Variants in FAM110A observed in about 807,000 individuals in gnomAD.
FAM110A encodes the protein family with sequence similarity 110 member A.
FAM110A carries 1 observed loss-of-function variant against 4.0 expected under a neutral mutation model. The ratio of observed to expected loss-of-function variants is 0.25; its 90% confidence interval spans 0.09 to 1.20. The LOEUF is 1.20. FAM110A is among the 50% of genes most tolerant of loss of function. FAM110A has a pLI of 0.50. For synonymous variants in FAM110A, 217 were observed against 196.8 expected (o/e 1.10, Z -0.86); for missense variants, 436 against 429.2 (o/e 1.02, Z -0.14).
In FAM110A at chr20:846,032, A is replaced by T; in HGVS notation, c.*340A>T. Reference sequence around the variant, plus strand: ...GAGTGAGGGGCCAAGGGATCTCCTCAATCCTGTCTCCCCAGCGGCTCTGTT... The same window carrying T: ...GAGTGAGGGGCCAAGGGATCTCCTCTATCCTGTCTCCCCAGCGGCTCTGTT... On this transcript the variant is annotated 3_prime_UTR_variant, in exon 2 of 2. Transcript: ENST00000381941. The T allele has an allele frequency of 3.3e-6, 1 of 303,290 alleles. No individual in the cohort carries two copies. 18.8% of individuals were successfully genotyped at this position (303,290 alleles called of 1,614,324 possible). A position where few individuals can be genotyped will look rare whatever the true frequency, so the allele number is the denominator to read the frequency against.
At chr20:842,906 A>T (rs1980016164) in intron 1 of FAM110A, among the ~76,000 whole-genome samples, 1 of 151,950 alleles carries the variant, frequency 6.6e-6, no homozygotes. Context: ...AGTTCAATAA[A>T]TTTTTATTGA....
At chr20:837,102 G>C (rs185889163) in intron 1 of FAM110A, among the ~76,000 whole-genome samples, 88 of 146,126 alleles carry the variant, frequency 6.0e-4, no homozygotes, top group South Asian at 8.6e-4. Context: ...GCCCAGGCTG[G>C]AGTGCAGTGG....
rs1349274265 is a variant in FAM110A at position 845,047 on chromosome 20, T to C, written c.243T>C (p.Thr81=). Reference sequence around the variant, plus strand: ...AACAGCCGCTCTTTAGCCCTGAGACTCGCCGCACAGTGCTCACGCCCAGCC... The same window carrying C: ...AACAGCCGCTCTTTAGCCCTGAGACCCGCCGCACAGTGCTCACGCCCAGCC... ...LSKQPLFSPE[T]RRTVLTPSRR... The change falls in exon 2 of 2, where the codon ACT becomes ACC. Residue 81 remains threonine (T), a synonymous_variant. Coordinates refer to ENST00000381941, the MANE Select transcript of FAM110A (RefSeq NM_001042353.3). 1 of 1,593,296 alleles carries C rather than the reference T, an allele frequency of 6.3e-7. No homozygotes were observed. The highest frequency in any genetic ancestry group is 1.7e-5 in the Admixed American group (1 of 57,348).
At position 845,074 on chromosome 20, in the gene FAM110A, C is replaced by T; in HGVS notation, c.270C>T (p.Arg90=). 5 of 1,596,854 alleles carry T rather than the reference C, an allele frequency of 3.1e-6. No individual in the cohort carries two copies. In the Middle Eastern group the frequency reaches 5.0e-4, roughly 159 times the overall value. Reference sequence around the variant, plus strand: ...GCCGCACAGTGCTCACGCCCAGCCGCCGAGCCCTGCCTGGCCCCTGCCGAC... The same window carrying T: ...GCCGCACAGTGCTCACGCCCAGCCGTCGAGCCCTGCCTGGCCCCTGCCGAC... ...ETRRTVLTPS[R]RALPGPCRRP... Residue 90 remains arginine, a synonymous_variant, in exon 2 of 2, where the codon CGC becomes CGT. Coordinates refer to ENST00000381941, the MANE Select transcript of FAM110A (RefSeq NM_001042353.3).
chr20:840,440 A>C lies in FAM110A; in HGVS notation c.-97-4268A>C, dbSNP rs118009344. Among the ~76,000 whole-genome samples the C allele has an allele frequency of 0.01, 1,596 of 152,326 alleles. 13 individuals carry two copies. Among genetic ancestry groups the C allele is most frequent in the Non-Finnish European group, 0.017 (1,137 of 68,024 alleles). The stretch of plus-strand genomic sequence containing the variant: ...AATGTTCCTACCTGCAGTGAGTTAT[A>C]GGACTTGGGGTGGAAGAGGTGACAG... On this transcript the variant is annotated intron_variant, in intron 1 of 1. Coordinates refer to ENST00000381941, the MANE Select transcript of FAM110A (RefSeq NM_001042353.3). This position sits in a 1 kb window ranked among gnomAD's most constrained non-coding sequence, Gnocchi z 4.4.
Position 845,530 on chromosome 20 carries a change from C to T in FAM110A, c.726C>T (p.Gly242=). 1 of 1,612,440 alleles carries T rather than the reference C, an allele frequency of 6.2e-7. No homozygotes were observed. Among genetic ancestry groups the T allele is most frequent in the East Asian group, 2.2e-5 (1 of 44,852 alleles). Residue 242 remains glycine, a synonymous_variant, in exon 2 of 2, where the codon GGC becomes GGT. Transcript: ENST00000381941. ...TGGCAGGGCCCAGTGCTGGGCCGGG[C>T]AGCTCTGAAGGGGGCTGCTCCCGCC... The part of the protein sequence containing the change: ...VSLAGPSAGP[G]SSEGGCSRRS...
In FAM110A at chr20:840,334, T is replaced by C. The variant is rs946436736; in HGVS notation, c.-97-4374T>C. ...GGAACAGGAGCCTCTTCAGCCTGAG[T>C]GTGGCAGAGGGCTGGGGCTGAGGCC... On this transcript the variant is annotated intron_variant, in intron 1 of 1. Coordinates refer to ENST00000381941, the MANE Select transcript of FAM110A (RefSeq NM_001042353.3). This position sits in a 1 kb window ranked among gnomAD's most constrained non-coding sequence, Gnocchi z 4.4. Among the ~76,000 whole-genome samples the C allele has an allele frequency of 6.6e-6, 1 of 152,110 alleles. No individual in the cohort carries two copies. The highest frequency in any genetic ancestry group is 1.5e-5 in the Non-Finnish European group (1 of 68,018).
chr20:844,169 A>G (rs1431037327), intron 1 of FAM110A, among the ~76,000 whole-genome samples: 1 of 152,176 alleles, frequency 6.6e-6, no homozygotes, highest in African/African-American at 2.4e-5. Flanking sequence ...TGGGGAGTCC[A>G]GGTGGGGTGT....
In FAM110A at chr20:844,662, T is replaced by A. The variant is rs1980153243; in HGVS notation, c.-97-46T>A. 4.6e-6 allele frequency: 6 copies of A among 1,309,068 alleles called. No individual in the cohort carries two copies. In the East Asian group the frequency reaches 1.8e-4, roughly 39 times the overall value. The allele number at this position is 1,309,068 out of a possible 1,614,324, so 81.1% of individuals were successfully genotyped here. On this transcript the variant is annotated intron_variant, in intron 1 of 1. Transcript: ENST00000381941. The stretch of plus-strand genomic sequence containing the variant: ...TCAGCCGCGGCTGAGCCTCTTTGTC[T>A]GAGCGCGCTCGGCTTTTTTTTTTTT...
intron 1 of FAM110A, among the ~76,000 whole-genome samples, chr20:838,552 A>G (rs1979705951): frequency 6.6e-6 from 1 of 152,166 alleles, no homozygotes; most frequent in Non-Finnish European, 1.5e-5. Context: ...GGATGTAATG[A>G]GTGCTCGGAA....
chr20:839,989 T>C lies in FAM110A; in HGVS notation c.-97-4719T>C, dbSNP rs546689376. 54 of 1,268,666 alleles carry C rather than the reference T, an allele frequency of 4.3e-5. No individual in the cohort carries two copies. The East Asian group carries it at 1.2e-3, about 28-fold the overall frequency. 78.6% of individuals were successfully genotyped at this position (1,268,666 alleles called of 1,614,324 possible). On this transcript the variant is annotated intron_variant, in intron 1 of 1. Transcript: ENST00000381941. ...TTAGGCATCAGCATCTTGGCAGCTG[T>C]AGGGTCCGGGGCTGGGGCTGGAAAG...
rs184820305 is a variant in FAM110A, at chr20:841,383, C to A, written c.-97-3325C>A. The A allele has an allele frequency of 9.9e-3, 1,508 of 152,486 alleles. 29 individuals carry two copies. Among genetic ancestry groups the A allele is most frequent in the African/African-American group, 0.035 (1,446 of 41,552 alleles). The allele number at this position is 152,486 out of a possible 1,614,324, so 9.4% of individuals were successfully genotyped here. A position where few individuals can be genotyped will look rare whatever the true frequency, so the allele number is the denominator to read the frequency against. ...GGGCGGCCCGAGCACCCCTCCACCC[C>A]AGGACGGCGGGAACGGGGCAGGGAT... On this transcript the variant is annotated intron_variant, in intron 1 of 1. Transcript: ENST00000381941.
In FAM110A at chr20:845,325, C is replaced by G. The variant is rs925635905; in HGVS notation, c.521C>G (p.Ala174Gly). 1.3e-6 allele frequency: 2 copies of G among 1,562,536 alleles called. No individual in the cohort carries two copies. Among genetic ancestry groups the G allele is most frequent in the Admixed American group, 1.9e-5 (1 of 51,876 alleles). Residue 174 changes from alanine to glycine, a missense_variant, in exon 2 of 2, where the codon GCC (alanine) becomes GGC (glycine). Ala to Gly is a moderately conservative substitution (Grantham distance 60). Transcript: ENST00000381941. Reference protein sequence around the residue: ...ARPCPSPGPAAASSPARPPGL... With the variant: ...ARPCPSPGPAGASSPARPPGL... The stretch of plus-strand genomic sequence containing the variant: ...CCCTGCCCATCACCCGGCCCTGCCG[C>G]CGCCTCCAGCCCAGCCCGGCCGCCG...
At position 845,322 on chromosome 20, in the gene FAM110A, C is replaced by T. The variant is rs190187707; in HGVS notation, c.518C>T (p.Ala173Val). The T allele has an allele frequency of 3.8e-6, 6 of 1,558,542 alleles. No homozygotes were observed. The East Asian group carries it at 7.1e-5, about 19-fold the overall frequency. The change falls in exon 2 of 2, where the codon GCC (alanine) becomes GTC (valine). Residue 173 changes from alanine (A) to valine (V), a missense_variant. Physicochemically the swap from Ala to Val is moderately conservative, Grantham distance 64. Coordinates refer to ENST00000381941, the MANE Select transcript of FAM110A (RefSeq NM_001042353.3). ...PARPCPSPGP[A>V]AASSPARPPG... ...CGGCCCTGCCCATCACCCGGCCCTG[C>T]CGCCGCCTCCAGCCCAGCCCGGCCG...
intron 1 of FAM110A, chr20:839,991 G>T: frequency 1.6e-6 from 2 of 1,249,124 alleles, no homozygotes; most frequent in Non-Finnish European, 1.2e-6. Context: ...GGCAGCTGTA[G>T]GGTCCGGGGC....
rs536473106 is a variant in FAM110A at position 840,183 on chromosome 20, C to G, written c.-97-4525C>G. On this transcript the variant is annotated intron_variant, in intron 1 of 1. Coordinates refer to ENST00000381941, the MANE Select transcript of FAM110A (RefSeq NM_001042353.3). This position sits in a 1 kb window ranked among gnomAD's most constrained non-coding sequence, Gnocchi z 4.4. Reference sequence around the variant, plus strand: ...GAGGATGAAGGACTTGTTGCCCCGTCCCCTGTAAAGTCAGGGACTGGAGGA... The same window carrying G: ...GAGGATGAAGGACTTGTTGCCCCGTGCCCTGTAAAGTCAGGGACTGGAGGA... Among the ~76,000 whole-genome samples, 18 of 152,308 alleles carry G rather than the reference C, an allele frequency of 1.2e-4. No individual in the cohort carries two copies. Among genetic ancestry groups the G allele is most frequent in the Non-Finnish European group, 2.4e-4 (16 of 68,020 alleles).
intron 1 of FAM110A, 40 bp from the exon 2 acceptor site, chr20:844,668 C>T (rs1980154072): frequency 2.3e-6 from 3 of 1,283,298 alleles, no homozygotes; most frequent in South Asian, 2.1e-5. Flanking sequence ...TGTCTGAGCG[C>T]GCTCGGCTTT....
intron 1 of FAM110A, among the ~76,000 whole-genome samples, chr20:842,371 C>A (rs548577843): frequency 2.6e-5 from 4 of 152,254 alleles, no homozygotes; most frequent in Non-Finnish European, 5.9e-5. Context: ...ACCTCCTTCT[C>A]CCTCTTTATC....
At chr20:839,860 C>T (rs1319753145) in intron 1 of FAM110A, 2 of 1,605,608 alleles carry the variant, frequency 1.2e-6, no homozygotes, top group Non-Finnish European at 1.7e-6. Flanking sequence ...AGGTTGGGCA[C>T]ATTCTTGTCT....
Sources: gnomAD v4.1 joint callset for allele counts (sites outside exome capture counted in the v4.1 genomes callset) on GRCh38, gnomAD v4.1.1 for gene constraint, Gnocchi (gnomAD v3.1) non-coding constraint, MANE v1.5 for transcripts, NCBI Gene and HGNC (gene_info 2026-07-23, HGNC 2026-07-21) for gene names.